LRMDA: variants seen among roughly 807,000 people sequenced by gnomAD.
The protein encoded by LRMDA is leucine-rich melanocyte differentiation-associated protein.
In LRMDA, 18 loss-of-function variants were observed where a neutral mutation model predicts 29.8. That is an observed-to-expected ratio of 0.60 (90% CI 0.42 to 0.90). The LOEUF (loss-of-function observed/expected upper bound fraction) is 0.90, where lower values mean the gene tolerates loss of function less well. LRMDA is among the 40% of genes least tolerant of loss of function. The probability of loss-of-function intolerance (pLI) is 0.00; values close to 1 mark genes in which losing one functional copy is unlikely to be tolerated. For missense variants in LRMDA, 273 were observed against 273.9 expected (o/e 1.00, Z 0.02); for synonymous variants, 125 against 109.4 (o/e 1.14, Z -0.89).
chr10:75,510,022 G>T (rs903635918), intron 2 of LRMDA, among the ~76,000 whole-genome samples: 1 of 152,208 alleles, frequency 6.6e-6, no homozygotes, highest in Non-Finnish European at 1.5e-5. Context: ...AAAATGCCTG[G>T]CAGAGTACCT....
In LRMDA at chr10:76,369,737, G is replaced by A. The variant is rs191966952; in HGVS notation, c.601+45252G>A. Reference sequence around the variant, plus strand: ...GGAAAACCTGGACATTTAAATGCTAGTTTAACATGGAGCAGAGGACTCCAT... The same window carrying A: ...GGAAAACCTGGACATTTAAATGCTAATTTAACATGGAGCAGAGGACTCCAT... On this transcript the variant is annotated intron_variant, in intron 6 of 6. Transcript: ENST00000611255. Among the ~76,000 whole-genome samples the A allele has an allele frequency of 4.1e-3, 630 of 152,218 alleles. 2 individuals are homozygous for A. Among genetic ancestry groups the A allele is most frequent in the South Asian group, 0.012 (58 of 4,828 alleles).
intron 5 of LRMDA, among the ~76,000 whole-genome samples, chr10:76,166,169 G>C (rs770508295): frequency 2.6e-5 from 4 of 152,154 alleles, no homozygotes; most frequent in Non-Finnish European, 5.9e-5. Context: ...ACATATTTAT[G>C]GGTCATTTTC....
intron 5 of LRMDA, among the ~76,000 whole-genome samples, chr10:76,147,879 CTGTT>C (rs1850359578): frequency 1.3e-5 from 2 of 152,138 alleles, no homozygotes; most frequent in Admixed American, 1.3e-4. Flanking sequence ...GATGTCCTTT[CTGTT>C]TGTTAGTTTT....
At chr10:75,967,557 G>T (rs1422006851) in intron 2 of LRMDA, among the ~76,000 whole-genome samples, 2 of 152,216 alleles carry the variant, frequency 1.3e-5, no homozygotes, top group Non-Finnish European at 2.9e-5. Flanking sequence ...GTCCTTCAGA[G>T]CATGGTAATT....
intron 2 of LRMDA, among the ~76,000 whole-genome samples, chr10:75,709,629 C>T (rs1411422011): frequency 1.3e-5 from 2 of 152,092 alleles, no homozygotes; most frequent in Admixed American, 1.3e-4. Context: ...AGCCAAGGTC[C>T]TTCTCAGTGG....
intron 2 of LRMDA, among the ~76,000 whole-genome samples, chr10:75,644,376 C>T (rs1338561974): frequency 6.6e-6 from 1 of 152,184 alleles, no homozygotes. Flanking sequence ...TCTCTTTGTT[C>T]TGTTTTATCA....
chr10:75,662,626 A>G (rs1158332245), intron 2 of LRMDA, among the ~76,000 whole-genome samples: 1 of 152,214 alleles, frequency 6.6e-6, no homozygotes, highest in East Asian at 1.9e-4. Context: ...CATGAAGTTA[A>G]AAAAGCGCAA....
chr10:75,475,235 G>A (rs1429956917), intron 2 of LRMDA, among the ~76,000 whole-genome samples: 1 of 152,174 alleles, frequency 6.6e-6, no homozygotes, highest in Non-Finnish European at 1.5e-5. Context: ...GGTCCCAGTT[G>A]CTTCCTTTCT....
intron 6 of LRMDA, among the ~76,000 whole-genome samples, chr10:76,554,870 GGTGTGTGT>G (rs72203665): frequency 7.3e-5 from 11 of 150,612 alleles, no homozygotes; most frequent in East Asian, 3.9e-4. Context: ...CATGGTGGGT[GGTGTGTGT>G]GTGTGTGTGT....
At chr10:76,229,203 T>C (rs1245054799) in intron 5 of LRMDA, among the ~76,000 whole-genome samples, 1 of 152,132 alleles carries the variant, frequency 6.6e-6, no homozygotes, top group Non-Finnish European at 1.5e-5. Flanking sequence ...GTCTGAGAAT[T>C]GAAATGACAA....
chr10:76,105,677 G>A (rs7899456), intron 5 of LRMDA, among the ~76,000 whole-genome samples: 83,254 of 151,884 alleles, frequency 0.55, 24,142 homozygotes, highest in Non-Finnish European at 0.65. Context: ...GCCTTTGGAG[G>A]GAGTGTGGCC....
At chr10:76,222,351 A>G (rs1851859151) in intron 5 of LRMDA, among the ~76,000 whole-genome samples, 1 of 152,182 alleles carries the variant, frequency 6.6e-6, no homozygotes, top group Admixed American at 6.5e-5. Context: ...AATGGGAGAA[A>G]ATTTTTGCAA....
At chr10:76,245,761 C>T (rs1307232434) in intron 5 of LRMDA, among the ~76,000 whole-genome samples, 3 of 152,188 alleles carry the variant, frequency 2.0e-5, no homozygotes, top group African/African-American at 4.8e-5. Context: ...TATACTATGA[C>T]AGCTCTGGGC....
intron 2 of LRMDA, among the ~76,000 whole-genome samples, chr10:75,995,601 A>G (rs918803299): frequency 6.6e-6 from 1 of 152,224 alleles, no homozygotes; most frequent in Non-Finnish European, 1.5e-5. Context: ...AGCTCTTGCC[A>G]TACCTGCCAC....
intron 6 of LRMDA, among the ~76,000 whole-genome samples, chr10:76,455,302 TG>T (rs987665467): frequency 4.3e-4 from 66 of 152,294 alleles, no homozygotes; most frequent in African/African-American, 1.5e-3. Flanking sequence ...GATATATTGA[TG>T]GTATTGAATT....
chr10:76,249,978 G>A (rs1215005307), intron 5 of LRMDA, among the ~76,000 whole-genome samples: 1 of 152,000 alleles, frequency 6.6e-6, no homozygotes, highest in African/African-American at 2.4e-5. Flanking sequence ...AATTTTGTTT[G>A]TATTTTTAGT....
intron 5 of LRMDA, among the ~76,000 whole-genome samples, chr10:76,303,860 G>A (rs552642396): frequency 6.6e-6 from 1 of 152,032 alleles, no homozygotes; most frequent in Non-Finnish European, 1.5e-5. Context: ...CGGCTAACAC[G>A]CTCGCTTTCA....
chr10:76,115,732 T>TA (rs1262861006), intron 5 of LRMDA, among the ~76,000 whole-genome samples: 1 of 152,086 alleles, frequency 6.6e-6, no homozygotes, highest in African/African-American at 2.4e-5. Flanking sequence ...CTCCGGCTGT[T>TA]ATATGATTAA....
rs149184969 is a variant in LRMDA, at chr10:75,771,192, G to A, written c.132-264816G>A. On this transcript the variant is annotated intron_variant, in intron 2 of 6. Transcript: ENST00000611255. The stretch of plus-strand genomic sequence containing the variant: ...AGAAACAATTGCTTGGAAAATGGCC[G>A]TAGGGGATAATGGCTATTGACAGCA... 2.0e-4 allele frequency among the ~76,000 whole-genome samples: 30 copies of A among 152,160 alleles called. No individual in the cohort carries two copies. In the East Asian group the frequency reaches 5.6e-3, roughly 28 times the overall value.
Sources: gnomAD v4.1 joint callset for allele counts (sites outside exome capture counted in the v4.1 genomes callset) on GRCh38, gnomAD v4.1.1 for gene constraint, MANE v1.5 for transcripts, NCBI Gene and HGNC (gene_info 2026-07-23, HGNC 2026-07-21) for gene names.